Variants in CCR7 observed in about 807,000 individuals in gnomAD.
CCR7 encodes C-C motif chemokine receptor 7.
In CCR7, 11 loss-of-function variants were observed where a neutral mutation model predicts 26.0. The observed-to-expected ratio is 0.42, with a 90% CI of 0.27 to 0.70. The LOEUF (loss-of-function observed/expected upper bound fraction) is 0.70. CCR7 is among the 30% of genes least tolerant of loss of function. CCR7 has a pLI of 0.23. For synonymous variants in CCR7, 189 were observed against 202.1 expected, an observed-to-expected ratio of 0.94 and a Z score of 0.55; for missense variants, 360 against 504.0, an observed-to-expected ratio of 0.71 and a Z score of 2.74.
At position 40,554,059 on chromosome 17, in the gene CCR7, T is replaced by C. The variant is rs1433701086; in HGVS notation, c.*683A>G. On this transcript the variant is annotated 3_prime_UTR_variant, in exon 3 of 3. Coordinates refer to ENST00000246657, the MANE Select transcript of CCR7 (RefSeq NM_001838.4). ...CCACTCTGGAGCCCAGAGTGTGGCTTTGATCACGCGGAGGCAGCTGGCCTG... is the reference window on the plus strand; with the variant it reads ...CCACTCTGGAGCCCAGAGTGTGGCTCTGATCACGCGGAGGCAGCTGGCCTG... 1.3e-5 allele frequency: 2 copies of C among 152,168 alleles called. No homozygotes were observed. The highest frequency in any genetic ancestry group is 3.9e-4 in the East Asian group (2 of 5,170). The allele number at this position is 152,168 out of a possible 1,614,324, so 9.4% of individuals were successfully genotyped here.
rs755131953 is a variant in CCR7 at position 40,555,600 on chromosome 17, G to A, written c.279C>T (p.Thr93=). 8 of 1,614,140 alleles carry A rather than the reference G, an allele frequency of 5.0e-6. No individual in the cohort carries two copies. The highest frequency in any genetic ancestry group is 2.2e-5 in the South Asian group (2 of 91,078). The change falls in exon 3 of 3, where the codon ACC becomes ACT. Residue 93 remains threonine, a synonymous_variant. Coordinates refer to ENST00000246657, the MANE Select transcript of CCR7 (RefSeq NM_001838.4). This position sits in a 1 kb window ranked among gnomAD's most constrained non-coding sequence, Gnocchi z 5.6. The part of the protein sequence containing the change: ...YIYFKRLKTM[T]DTYLLNLAVA... Reference sequence around the variant, plus strand: ...CCGCCAGGTTGAGCAGGTAGGTATCGGTCATGGTCTTGAGCCTCTTGAAAT... The same window carrying A: ...CCGCCAGGTTGAGCAGGTAGGTATCAGTCATGGTCTTGAGCCTCTTGAAAT...
In CCR7 at chr17:40,557,776, C is replaced by A. The variant is rs139328413; in HGVS notation, c.60+1117G>T. On this transcript the variant is annotated intron_variant, in intron 2 of 2. Transcript: ENST00000246657. ...GTTCCTGTTTTATAATTCTCCCTCC[C>A]CTAGCCTCACTGCCTCTGCAGCCCA... Among the ~76,000 whole-genome samples, 264 of 152,322 alleles carry A rather than the reference C, an allele frequency of 1.7e-3. 1 individual carries two copies. The highest frequency in any genetic ancestry group is 2.7e-3 in the Non-Finnish European group (187 of 68,038).
At chr17:40,561,109 A>G (rs1257371662) in intron 1 of CCR7, 1 of 152,240 alleles carries the variant, frequency 6.6e-6, no homozygotes, top group Non-Finnish European at 1.5e-5. Context: ...GAAACCTCAA[A>G]GTTTTGATAA....
Position 40,555,897 on chromosome 17 carries a change from G to T in CCR7, c.61-79C>A. 2.1e-6 allele frequency: 2 copies of T among 957,820 alleles called. No homozygotes were observed. Among genetic ancestry groups the T allele is most frequent in the Non-Finnish European group, 3.2e-6 (2 of 627,606 alleles). 59.3% of individuals were successfully genotyped at this position (957,820 alleles called of 1,614,324 possible). On this transcript the variant is annotated intron_variant, in intron 2 of 2. Coordinates refer to ENST00000246657, the MANE Select transcript of CCR7 (RefSeq NM_001838.4). This position sits in a 1 kb window ranked among gnomAD's most constrained non-coding sequence, Gnocchi z 5.6. ...TCTGGCTGGGATTTAGCCTAGAGCA[G>T]TGGTTTCTTTCTTTTTTTTTTTTCT...
intron 2 of CCR7, among the ~76,000 whole-genome samples, chr17:40,556,685 G>C (rs1408941396): frequency 1.3e-5 from 2 of 152,218 alleles, no homozygotes; most frequent in Non-Finnish European, 2.9e-5. Context: ...CCGTGAGAGA[G>C]GGAACATGTG....
At chr17:40,565,289 A>C in intron 1 of CCR7, 111 bp downstream of exon 1, 1 of 939,320 alleles carries the variant, frequency 1.1e-6, no homozygotes, top group East Asian at 2.4e-5. Flanking sequence ...TGATTTCTCC[A>C]GGAAGCACCC....
intron 2 of CCR7, 64 bp downstream of exon 2, chr17:40,558,829 A>C: frequency 6.2e-5 from 90 of 1,450,082 alleles, no homozygotes; most frequent in Middle Eastern, 1.9e-4. Context: ...CTCCTCCACT[A>C]AACCCCTGAC....
At chr17:40,557,105 C>T (rs1033023415) in intron 2 of CCR7, among the ~76,000 whole-genome samples, 2 of 152,228 alleles carry the variant, frequency 1.3e-5, no homozygotes, top group Non-Finnish European at 2.9e-5. Context: ...CACCTCTCTG[C>T]CTCTCTCTTC....
At chr17:40,559,984 G>C (rs545249634) in intron 1 of CCR7, among the ~76,000 whole-genome samples, 1 of 152,056 alleles carries the variant, frequency 6.6e-6, no homozygotes, top group Non-Finnish European at 1.5e-5. Context: ...TTAGGCTTGG[G>C]GGGCAGGTGA....
chr17:40,554,802 C>T lies in CCR7; in HGVS notation c.1077G>A (p.Arg359=). 3 of 1,614,010 alleles carry T rather than the reference C, an allele frequency of 1.9e-6. No individual in the cohort carries two copies. Among genetic ancestry groups the T allele is most frequent in the Non-Finnish European group, 2.5e-6 (3 of 1,179,970 alleles). ...CACTCATGGAGGAGCGCCGGATGTG[C>T]CGACAGGAAGACCACTGCCGGAGCT... ...QEQLRQWSSC[R]HIRRSSMSVE... Residue 359 remains arginine (R), a synonymous_variant, in exon 3 of 3, where the codon CGG becomes CGA. Transcript: ENST00000246657.
At chr17:40,565,168 C>T (rs556959837) in intron 1 of CCR7, among the ~76,000 whole-genome samples, 2 of 152,152 alleles carry the variant, frequency 1.3e-5, no homozygotes, top group African/African-American at 4.8e-5. Flanking sequence ...CTTGTCCCCA[C>T]TGGCACCAAA....
chr17:40,564,413 C>T (rs1220212934), intron 1 of CCR7, among the ~76,000 whole-genome samples: 1 of 152,190 alleles, frequency 6.6e-6, no homozygotes, highest in African/African-American at 2.4e-5. Context: ...GGTGTGAGGA[C>T]AGCACCAGGG....
Position 40,565,464 on chromosome 17 carries a change from C to G in CCR7, c.-55G>C. 1 of 1,592,870 alleles carries G rather than the reference C, an allele frequency of 6.3e-7. No individual in the cohort carries two copies. Among genetic ancestry groups the G allele is most frequent in the Non-Finnish European group, 8.6e-7 (1 of 1,160,648 alleles). On this transcript the variant is annotated 5_prime_UTR_variant, in exon 1 of 3. Transcript: ENST00000246657. ...GAAGGCTGTGCCCGGCCTCGCACTA[C>G]CCCTGTCTGGGGAGGAAGTGGTTCA...
chr17:40,559,649 C>T (rs1259137726), intron 1 of CCR7, among the ~76,000 whole-genome samples: 1 of 152,238 alleles, frequency 6.6e-6, no homozygotes, highest in Non-Finnish European at 1.5e-5. Context: ...TGGGCGCACA[C>T]CCTTGGCCTG....
rs761281929 is a variant in CCR7 at position 40,555,525 on chromosome 17, CG to C, written c.353del (p.Ala118GlyfsTer21). On this transcript the variant is annotated frameshift_variant, in exon 3 of 3. Coordinates refer to ENST00000246657, the MANE Select transcript of CCR7 (RefSeq NM_001838.4). LOFTEE classifies it high-confidence loss of function. The surrounding 1 kb of genome is among the most constrained non-coding windows in gnomAD (Gnocchi z 5.6). ...LLTLPFWAYS[A>X]AKSWVFGVHF... is the part of the protein sequence containing the mutation. The stretch of plus-strand genomic sequence containing the variant: ...GGACACCGAAGACCCAGGACTTGGC[CG>C]CGCTGTAGGCCCAGAAGGGAAGGGT... The C allele has an allele frequency of 4.3e-6, 7 of 1,614,036 alleles. No individual in the cohort carries two copies. The highest frequency in any genetic ancestry group is 5.1e-6 in the Non-Finnish European group (6 of 1,180,016).
At position 40,553,787 on chromosome 17, in the gene CCR7, C is replaced by CT. The variant is rs55732277; in HGVS notation, c.*954dup. 2,106 of 151,840 alleles carry CT rather than the reference C, an allele frequency of 0.014. 32 individuals carry two copies. Among genetic ancestry groups the CT allele is most frequent in the Non-Finnish European group, 0.02 (1,363 of 67,894 alleles). The allele number at this position is 151,840 out of a possible 1,614,324, so 9.4% of individuals were successfully genotyped here. A position where few individuals can be genotyped will look rare whatever the true frequency, so the allele number is the denominator to read the frequency against. On this transcript the variant is annotated 3_prime_UTR_variant, in exon 3 of 3. Coordinates refer to ENST00000246657, the MANE Select transcript of CCR7 (RefSeq NM_001838.4). ...ACGCTCATTTGCCATTTACCAAAGA[C>CT]TTTTTTTTTCTTTTTCTTTTAAAGC... is the stretch of plus-strand genomic sequence containing the variant.
At chr17:40,562,045 A>G (rs2036661214) in intron 1 of CCR7, among the ~76,000 whole-genome samples, 1 of 152,178 alleles carries the variant, frequency 6.6e-6, no homozygotes, top group South Asian at 2.1e-4. Flanking sequence ...AGGCGCTACT[A>G]TTATCCCCAT....
intron 1 of CCR7, among the ~76,000 whole-genome samples, chr17:40,563,435 C>T (rs2036674080): frequency 6.6e-6 from 1 of 152,172 alleles, no homozygotes; most frequent in African/African-American, 2.4e-5. Flanking sequence ...TCTTCGGTCT[C>T]ATTGCTCGAA....
At chr17:40,559,777 C>T (rs921975452) in intron 1 of CCR7, among the ~76,000 whole-genome samples, 2 of 152,308 alleles carry the variant, frequency 1.3e-5, no homozygotes, top group Middle Eastern at 3.4e-3. Flanking sequence ...TGAATAAATA[C>T]ATGAATGACA....
Sources: gnomAD v4.1 joint callset for allele counts (sites outside exome capture counted in the v4.1 genomes callset) on GRCh38, gnomAD v4.1.1 for gene constraint, Gnocchi (gnomAD v3.1) non-coding constraint, MANE v1.5 for transcripts, NCBI Gene and HGNC (gene_info 2026-07-23, HGNC 2026-07-21) for gene names.